Variants in GDI2 observed in about 807,000 individuals in gnomAD.
GDI2 encodes the protein rab GDP dissociation inhibitor beta.
Under a neutral mutation model 54.2 loss-of-function variants are expected in GDI2, and 22 were observed. The observed-to-expected ratio is 0.41, with a 90% CI of 0.29 to 0.58. GDI2 has a LOEUF of 0.58. Among genes scored for constraint, GDI2 ranks in the 20% least tolerant of loss-of-function variants. GDI2 has a pLI of 0.35. For missense variants in GDI2, 422 were observed against 546.0 expected, an observed-to-expected ratio of 0.77 and a Z score of 2.26; for synonymous variants, 177 against 182.1, an observed-to-expected ratio of 0.97 and a Z score of 0.23.
At chr10:5,812,555 C>A (rs1841498564) in intron 1 of GDI2, among the ~76,000 whole-genome samples, 1 of 151,966 alleles carries the variant, frequency 6.6e-6, no homozygotes, top group African/African-American at 2.4e-5. Flanking sequence ...TTTGAAAAAA[C>A]TCAATTCCAA....
At chr10:5,806,265 C>T (rs1841378063) in intron 1 of GDI2, among the ~76,000 whole-genome samples, 1 of 152,020 alleles carries the variant, frequency 6.6e-6, no homozygotes. Context: ...AGGTTGAACA[C>T]TTTTTAAATA....
At chr10:5,804,683 A>T (rs1053751434) in intron 1 of GDI2, among the ~76,000 whole-genome samples, 1 of 152,194 alleles carries the variant, frequency 6.6e-6, no homozygotes, top group Non-Finnish European at 1.5e-5. Flanking sequence ...TCCAGCCTGA[A>T]GGCTATTTCT....
At chr10:5,791,892 G>A (rs1272672997) in intron 4 of GDI2, among the ~76,000 whole-genome samples, 2 of 152,124 alleles carry the variant, frequency 1.3e-5, no homozygotes, top group Non-Finnish European at 2.9e-5. Context: ...CTCTAGCCTG[G>A]GGGACAAAGA....
chr10:5,805,603 CA>C (rs1402804805), intron 1 of GDI2, among the ~76,000 whole-genome samples: 2 of 152,076 alleles, frequency 1.3e-5, no homozygotes, highest in Non-Finnish European at 2.9e-5. Flanking sequence ...CTTGGCCTTG[CA>C]AAGCAAGGTT....
chr10:5,785,661 C>T (rs1588975927), intron 5 of GDI2, among the ~76,000 whole-genome samples, 191 bp downstream of exon 5: 1 of 152,196 alleles, frequency 6.6e-6, no homozygotes, highest in African/African-American at 2.4e-5. Flanking sequence ...CAGGCGTGAG[C>T]CACCACACCT....
chr10:5,766,004 T>TG lies in GDI2; in HGVS notation c.*1dup. 6.4e-7 allele frequency: 1 copy of TG among 1,574,164 alleles called. No homozygotes were observed. Among genetic ancestry groups the TG allele is most frequent in the Non-Finnish European group, 8.6e-7 (1 of 1,166,716 alleles). ...CTAATTACATAATAACATGTACTGC[T>TG]GTTAGTCTTCCCCATAGATGTCATT... On this transcript the variant is annotated 3_prime_UTR_variant, in exon 11 of 11. Coordinates refer to ENST00000380191, the MANE Select transcript of GDI2 (RefSeq NM_001494.4). The surrounding 1 kb of genome is among the most constrained non-coding windows in gnomAD (Gnocchi z 5.8).
intron 4 of GDI2, among the ~76,000 whole-genome samples, chr10:5,793,167 T>TATAAGAAAATTAAGATAAGAA (rs1407116610): frequency 6.6e-6 from 1 of 151,942 alleles, no homozygotes; most frequent in Non-Finnish European, 1.5e-5. Context: ...GCTAATTTTC[T>TATAAGAAAATTAAGATAAGAA]TATTTTTTGA....
At chr10:5,800,214 G>A (rs1157877392) in intron 2 of GDI2, among the ~76,000 whole-genome samples, 3 of 152,128 alleles carry the variant, frequency 2.0e-5, no homozygotes, top group Non-Finnish European at 4.4e-5. Flanking sequence ...TTGTAGTCAT[G>A]TAACTTGGGT....
At chr10:5,799,015 G>A (rs1463045092) in intron 2 of GDI2, among the ~76,000 whole-genome samples, 1 of 151,884 alleles carries the variant, frequency 6.6e-6, no homozygotes, top group Non-Finnish European at 1.5e-5. Context: ...ATTAAGAAAA[G>A]AAAAAAATTG....
At chr10:5,767,673 G>A (rs1455515599) in intron 8 of GDI2, among the ~76,000 whole-genome samples, 1 of 152,100 alleles carries the variant, frequency 6.6e-6, no homozygotes, top group Non-Finnish European at 1.5e-5. Context: ...TTTTTAAGCT[G>A]AATTTTAGAT....
rs1263077965 is a variant in GDI2, at chr10:5,774,361, C to G, written c.720-420G>C. Among the ~76,000 whole-genome samples, 1 of 152,190 alleles carries G rather than the reference C, an allele frequency of 6.6e-6. No homozygotes were observed. The highest frequency in any genetic ancestry group is 1.5e-5 in the Non-Finnish European group (1 of 68,036). On this transcript the variant is annotated intron_variant, in intron 6 of 10. Coordinates refer to ENST00000380191, the MANE Select transcript of GDI2 (RefSeq NM_001494.4). The surrounding 1 kb of genome is among the most constrained non-coding windows in gnomAD (Gnocchi z 4.8). Reference sequence around the variant, plus strand: ...GCTGCAGACCCGTACGGATTCATCTCAGCACGGTAACATATTTTGGTGCCT... The same window carrying G: ...GCTGCAGACCCGTACGGATTCATCTGAGCACGGTAACATATTTTGGTGCCT...
At chr10:5,809,154 A>C (rs1319587895) in intron 1 of GDI2, among the ~76,000 whole-genome samples, 1 of 151,574 alleles carries the variant, frequency 6.6e-6, no homozygotes, top group East Asian at 2.0e-4. Context: ...CTGAGACAGG[A>C]GAACTGCTTG....
At chr10:5,793,404 T>C (rs2131706547) in intron 4 of GDI2, among the ~76,000 whole-genome samples, 1 of 152,346 alleles carries the variant, frequency 6.6e-6, no homozygotes, top group East Asian at 1.9e-4. Context: ...TTCGAACCCA[T>C]GATTACACTA....
At chr10:5,790,939 T>A (rs1289765243) in intron 4 of GDI2, among the ~76,000 whole-genome samples, 20 of 152,094 alleles carry the variant, frequency 1.3e-4, no homozygotes, top group Admixed American at 1.2e-3. Flanking sequence ...GATGACTGCT[T>A]GAGCCCAGGA....
chr10:5,766,132 A>T lies in GDI2; in HGVS notation c.1212T>A (p.Tyr404Ter). 6.2e-7 allele frequency: 1 copy of T among 1,613,634 alleles called. No homozygotes were observed. The highest frequency in any genetic ancestry group is 8.5e-7 in the Non-Finnish European group (1 of 1,179,570). ...TESQIFISRTYDATTHFETTC... is the reference protein window; with the variant it reads ...TESQIFISRT Reference sequence around the variant, plus strand: ...TTGTCTCAAAATGAGTGGTGGCATCATATGTGCGGGAAATAAAGATCTGAA... The same window carrying T: ...TTGTCTCAAAATGAGTGGTGGCATCTTATGTGCGGGAAATAAAGATCTGAA... The change falls in exon 11 of 11, where the codon TAT becomes TAA. Residue 404 changes from tyrosine (Y) to a stop codon, truncating the protein, a stop_gained. Transcript: ENST00000380191. LOFTEE classifies it high-confidence loss of function. This position sits in a 1 kb window ranked among gnomAD's most constrained non-coding sequence, Gnocchi z 5.8.
chr10:5,796,846 T>G lies in GDI2; in HGVS notation c.170A>C (p.Lys57Thr), dbSNP rs1019275062. ...TPLEDLYKRF[K>T]IPGSPPESMG... The stretch of plus-strand genomic sequence containing the variant: ...TGACTCGGGTGGTGATCCTGGTATT[T>G]TAAATCTTTTGTATAACTAAAAGCA... Residue 57 changes from lysine (K) to threonine (T), a missense_variant, in exon 3 of 11, where the codon AAA becomes ACA. By Grantham distance (78) the Lys-to-Thr change is moderately conservative (BLOSUM62 -1). Transcript: ENST00000380191. 9 of 1,563,094 alleles carry G rather than the reference T, an allele frequency of 5.8e-6. No homozygotes were observed. In the African/African-American group the frequency reaches 9.5e-5, roughly 16 times the overall value.
intron 6 of GDI2, among the ~76,000 whole-genome samples, chr10:5,779,720 G>A (rs1840709545): frequency 6.7e-6 from 1 of 150,146 alleles, no homozygotes; most frequent in Non-Finnish European, 1.5e-5. Context: ...AAGAGACAGG[G>A]TCCTGCTCTG....
intron 7 of GDI2, among the ~76,000 whole-genome samples, chr10:5,770,703 C>G (rs1312113248): frequency 1.3e-5 from 2 of 152,010 alleles, no homozygotes; most frequent in Non-Finnish European, 2.9e-5. Flanking sequence ...CAGTGGCTGA[C>G]GCCTGTAATC....
chr10:5,789,497 G>A (rs1840961149), intron 4 of GDI2, among the ~76,000 whole-genome samples: 1 of 151,986 alleles, frequency 6.6e-6, no homozygotes, highest in Non-Finnish European at 1.5e-5. Flanking sequence ...ACATAGCACA[G>A]TACAGCCTCA....
Sources: gnomAD v4.1 joint callset for allele counts (sites outside exome capture counted in the v4.1 genomes callset) on GRCh38, gnomAD v4.1.1 for gene constraint, Gnocchi (gnomAD v3.1) non-coding constraint, MANE v1.5 for transcripts, NCBI Gene and HGNC (gene_info 2026-07-23, HGNC 2026-07-21) for gene names.